The following PPL variants were observed in gnomAD, a reference collection of about 807,000 sequenced individuals.
PPL encodes 190 kDa paraneoplastic pemphigus antigen.
PPL carries 198 observed loss-of-function variants against 194.4 expected under a neutral mutation model. The ratio of observed to expected loss-of-function variants is 1.02; its 90% CI spans 0.91 to 1.15. The LOEUF is 1.15. PPL is among the 50% of genes most tolerant of loss of function. The pLI, the probability that PPL is intolerant of heterozygous loss-of-function variation, is 0.00. For missense variants in PPL, 2,885 were observed against 2,294.8 expected, an observed-to-expected ratio of 1.26 and a Z score of -5.25; for synonymous variants, 1,220 against 972.4, an observed-to-expected ratio of 1.25 and a Z score of -4.74.
intron 9 of PPL, among the ~76,000 whole-genome samples, chr16:4,897,100 C>T (rs551458648): frequency 3.3e-5 from 5 of 151,246 alleles, no homozygotes; most frequent in Admixed American, 1.3e-4. Context: ...TTTAGGAGGC[C>T]GAGGCGGGAG....
intron 2 of PPL, among the ~76,000 whole-genome samples, chr16:4,907,265 A>G (rs2088706789): frequency 6.6e-6 from 1 of 151,516 alleles, no homozygotes; most frequent in African/African-American, 2.4e-5. Flanking sequence ...CTGTCTCAAT[A>G]AAAAATAAAA....
intron 1 of PPL, among the ~76,000 whole-genome samples, chr16:4,935,970 C>T (rs1220868078): frequency 6.6e-6 from 1 of 152,184 alleles, no homozygotes; most frequent in Non-Finnish European, 1.5e-5. Flanking sequence ...ATGGTCCTTG[C>T]TAGCCCAGAG....
chr16:4,936,894 C>G, intron 1 of PPL, 90 bp downstream of exon 1: 3 of 1,322,662 alleles, frequency 2.3e-6, no homozygotes, highest in South Asian at 1.3e-5. Flanking sequence ...CCCGTACCCC[C>G]CATTCCTACA....
At chr16:4,911,479 TTCTC>T (rs2088819467) in intron 1 of PPL, among the ~76,000 whole-genome samples, 2 of 151,722 alleles carry the variant, frequency 1.3e-5, no homozygotes, top group African/African-American at 4.8e-5. Context: ...ACTTTGATCA[TTCTC>T]TCTAATGCTT....
rs1297088411 is a variant in PPL, at chr16:4,883,842, C to T, written c.4813G>A (p.Gly1605Arg). The change falls in exon 22 of 22, where the codon GGG (glycine) becomes AGG (arginine). Residue 1605 changes from glycine to arginine, a missense_variant. Coordinates refer to ENST00000345988, the MANE Select transcript of PPL (RefSeq NM_002705.5). This position sits in a 1 kb window ranked among gnomAD's most constrained non-coding sequence, Gnocchi z 4.8. ...CACAGTCTGGAGTCATGGTTGGTCC[C>T]AGAGTCCGCCACGGTCATGTTCCGC... ...DLRNMTVADS[G>R]TNHDSRLWSL... The T allele has an allele frequency of 2.5e-6, 4 of 1,614,110 alleles. No individual in the cohort carries two copies. The East Asian group carries it at 8.9e-5, about 36-fold the overall frequency.
chr16:4,901,310 T>C (rs1195513569), intron 4 of PPL, among the ~76,000 whole-genome samples: 5 of 150,382 alleles, frequency 3.3e-5, no homozygotes, highest in African/African-American at 1.3e-4. Flanking sequence ...GGGGTCCACA[T>C]GGTTACTGTC....
chr16:4,932,419 T>C (rs1207327789), intron 1 of PPL, among the ~76,000 whole-genome samples: 1 of 151,748 alleles, frequency 6.6e-6, no homozygotes. Flanking sequence ...ATCTTTTTTT[T>C]TTTTTTTTGA....
At chr16:4,912,971 GCA>G (rs1568036942) in intron 1 of PPL, among the ~76,000 whole-genome samples, 3 of 152,154 alleles carry the variant, frequency 2.0e-5, no homozygotes, top group East Asian at 1.9e-4. Flanking sequence ...AGGTGTGGTG[GCA>G]TGCGCCTGTA....
At chr16:4,912,515 C>T (rs1456511071) in intron 1 of PPL, among the ~76,000 whole-genome samples, 2 of 152,220 alleles carry the variant, frequency 1.3e-5, no homozygotes, top group East Asian at 1.9e-4. Context: ...TATGAACGTT[C>T]GGGAACAAGC....
chr16:4,892,356 G>A lies in PPL; in HGVS notation c.1651-143C>T, dbSNP rs150718244. The A allele has an allele frequency of 2.3e-4, 212 of 938,130 alleles. No individual in the cohort carries two copies. In the East Asian group the frequency reaches 4.8e-3, roughly 21 times the overall value. 58.1% of individuals were successfully genotyped at this position (938,130 alleles called of 1,614,324 possible). On this transcript the variant is annotated intron_variant, in intron 14 of 21. Coordinates refer to ENST00000345988, the MANE Select transcript of PPL (RefSeq NM_002705.5). ...CTGGCACATTCTGGGGCTCTGACCC[G>A]GCATCTGGACCCCAGCCTGAGGGCT... is the stretch of plus-strand genomic sequence containing the variant.
chr16:4,895,045 T>A (rs1252031008), intron 11 of PPL, among the ~76,000 whole-genome samples: 1 of 152,130 alleles, frequency 6.6e-6, no homozygotes, highest in Non-Finnish European at 1.5e-5. Flanking sequence ...GAGGAGGGAC[T>A]GGGGTTGCTA....
Position 4,894,620 on chromosome 16 carries a change from T to C in PPL, c.1243-2A>G. The C allele has an allele frequency of 6.2e-7, 1 of 1,612,288 alleles. No homozygotes were observed. Among genetic ancestry groups the C allele is most frequent in the South Asian group, 1.1e-5 (1 of 91,066 alleles). Reference sequence around the variant, plus strand: ...GCTGTAGCCCCGCGAGATCAGGCCCTGGCGGGGGCAGGCTGGACAGTCAGG... The same window carrying C: ...GCTGTAGCCCCGCGAGATCAGGCCCCGGCGGGGGCAGGCTGGACAGTCAGG... On this transcript the variant is annotated splice_acceptor_variant, in intron 11 of 21. Transcript: ENST00000345988. LOFTEE classifies it high-confidence loss of function.
intron 1 of PPL, among the ~76,000 whole-genome samples, chr16:4,921,607 C>G (rs551787319): frequency 6.6e-6 from 1 of 152,164 alleles, no homozygotes; most frequent in African/African-American, 2.4e-5. Flanking sequence ...GCTGGAATTA[C>G]AGACATGCAC....
chr16:4,933,918 C>T (rs1165613505), intron 1 of PPL, among the ~76,000 whole-genome samples: 3 of 152,216 alleles, frequency 2.0e-5, no homozygotes, highest in African/African-American at 4.8e-5. Context: ...GTCACAGATG[C>T]TATTACCTGC....
chr16:4,924,098 T>G (rs909975845), intron 1 of PPL, among the ~76,000 whole-genome samples: 1 of 152,200 alleles, frequency 6.6e-6, no homozygotes, highest in African/African-American at 2.4e-5. Context: ...AGGTATTAAG[T>G]TGCTTTGTAT....
At position 4,919,166 on chromosome 16, in the gene PPL, G is replaced by A. The variant is rs557673327; in HGVS notation, c.63-8217C>T. ...TACTCAGAGGGTAACACGGACACACGTGCTGAGGGCAGTGGCCGCTGGCCC... is the reference window on the plus strand; with the variant it reads ...TACTCAGAGGGTAACACGGACACACATGCTGAGGGCAGTGGCCGCTGGCCC... On this transcript the variant is annotated intron_variant, in intron 1 of 21. Transcript: ENST00000345988. 4.0e-5 allele frequency among the ~76,000 whole-genome samples: 6 copies of A among 151,866 alleles called. No individual in the cohort carries two copies. The South Asian group carries it at 6.2e-4, about 16-fold the overall frequency.
In PPL at chr16:4,885,926, T is replaced by G; in HGVS notation, c.2729A>C (p.Glu910Ala). The G allele has an allele frequency of 6.2e-7, 1 of 1,612,658 alleles. No homozygotes were observed. Among genetic ancestry groups the G allele is most frequent in the Non-Finnish European group, 8.5e-7 (1 of 1,180,030 alleles). The change falls in exon 22 of 22, where the codon GAG (glutamate) becomes GCG (alanine). Residue 910 changes from glutamate to alanine, a missense_variant. Physicochemically the swap from Glu to Ala is moderately radical, Grantham distance 107 (BLOSUM62 -1). Coordinates refer to ENST00000345988, the MANE Select transcript of PPL (RefSeq NM_002705.5). This position sits in a 1 kb window ranked among gnomAD's most constrained non-coding sequence, Gnocchi z 6.3. ...DEETERRRQL[E>A]NEVKSTQEEI... ...TTCCTGGGTGCTCTTGACCTCGTTC[T>G]CCAGCTGCCGCCTCCGCTCAGTCTC...
chr16:4,920,731 AATTAC>A (rs1489691220), intron 1 of PPL, among the ~76,000 whole-genome samples: 2 of 152,022 alleles, frequency 1.3e-5, no homozygotes, highest in Non-Finnish European at 2.9e-5. Context: ...AAAGTGCTGG[AATTAC>A]AGGTGTCAAC....
chr16:4,885,973 C>G lies in PPL; in HGVS notation c.2682G>C (p.Lys894Asn). 1.9e-6 allele frequency: 3 copies of G among 1,613,796 alleles called. No individual in the cohort carries two copies. In the South Asian group the frequency reaches 3.3e-5, roughly 18 times the overall value. Reference protein sequence around the residue: ...RPDSGVEEAWKIRKELDEETE... With the variant: ...RPDSGVEEAWNIRKELDEETE... ...TCTCCTCATCCAGTTCCTTCCTGAT[C>G]TTCCACGCCTCCTCCACTCCAGAGT... is the stretch of plus-strand genomic sequence containing the variant. Residue 894 changes from lysine (K) to asparagine (N), a missense_variant, in exon 22 of 22, where the codon AAG (lysine) becomes AAC (asparagine). By Grantham distance (94) the Lys-to-Asn change is moderately conservative. Coordinates refer to ENST00000345988, the MANE Select transcript of PPL (RefSeq NM_002705.5). The surrounding 1 kb of genome is among the most constrained non-coding windows in gnomAD (Gnocchi z 6.3).
Sources: allele counts gnomAD v4.1 joint callset (sites outside exome capture counted in the v4.1 genomes callset), GRCh38; gene constraint gnomAD v4.1.1; non-coding constraint Gnocchi (gnomAD v3.1); transcripts MANE v1.5; gene names NCBI Gene and HGNC (gene_info 2026-07-23, HGNC 2026-07-21).